DPT: variants seen among roughly 807,000 people sequenced by gnomAD.
DPT encodes the protein tyrosine-rich acidic matrix protein.
DPT carries 21 observed loss-of-function variants against 31.2 expected under a neutral mutation model. That is an observed-to-expected ratio of 0.67 (90% CI 0.48 to 0.97). The LOEUF (loss-of-function observed/expected upper bound fraction) is 0.97, where lower values mean the gene tolerates loss of function less well. Among genes scored for constraint, DPT ranks in the 50% least tolerant of loss-of-function variants. The pLI, the probability that DPT is intolerant of heterozygous loss-of-function variation, is 0.00. For synonymous variants in DPT, 91 were observed against 86.9 expected, an observed-to-expected ratio of 1.05 and a Z score of -0.26; for missense variants, 262 against 258.8, an observed-to-expected ratio of 1.01 and a Z score of -0.08.
intron 1 of DPT, among the ~76,000 whole-genome samples, chr1:168,720,440 A>G (rs1023271739): frequency 4.0e-5 from 6 of 150,620 alleles, no homozygotes; most frequent in Non-Finnish European, 7.4e-5. Flanking sequence ...GAACCCCTCT[A>G]TACAATTTTA....
chr1:168,712,809 A>G (rs1277538028), intron 2 of DPT, among the ~76,000 whole-genome samples: 1 of 152,182 alleles, frequency 6.6e-6, no homozygotes, highest in East Asian at 1.9e-4. Flanking sequence ...CAGTGTGTTC[A>G]TGAATGGCCT....
rs35423002 is a variant in DPT at position 168,699,599 on chromosome 1, T to TA, written c.539+1417dup. ...GCTACTTAATGTCTTTTTTTTTTTT[T>TA]AAAAAAAAAAAGAAATTCTAGGTCA... On this transcript the variant is annotated intron_variant, in intron 3 of 3. Transcript: ENST00000367817. Among the ~76,000 whole-genome samples the TA allele has an allele frequency of 3.2e-3, 470 of 147,672 alleles. 2 individuals carry two copies. The highest frequency in any genetic ancestry group is 6.9e-3 in the Middle Eastern group (2 of 288).
At chr1:168,702,075 G>A (rs1004259294) in intron 2 of DPT, among the ~76,000 whole-genome samples, 2 of 152,142 alleles carry the variant, frequency 1.3e-5, no homozygotes, top group Non-Finnish European at 2.9e-5. Context: ...TCTCATAAGG[G>A]CTTTGCCACT....
chr1:168,713,736 T>A lies in DPT; in HGVS notation c.431+485A>T, dbSNP rs536262279. On this transcript the variant is annotated intron_variant, in intron 2 of 3. Coordinates refer to ENST00000367817, the MANE Select transcript of DPT (RefSeq NM_001937.5). ...AGCACAATCTTTTTTTTTAATTTTT[T>A]AATTTTTTAATATTTTATTTTTTCT... Among the ~76,000 whole-genome samples, 23 of 152,334 alleles carry A rather than the reference T, an allele frequency of 1.5e-4. No homozygotes were observed. The South Asian group carries it at 3.7e-3, about 25-fold the overall frequency.
At chr1:168,717,648 T>A (rs921816384) in intron 1 of DPT, among the ~76,000 whole-genome samples, 1 of 152,226 alleles carries the variant, frequency 6.6e-6, no homozygotes, top group Non-Finnish European at 1.5e-5. Flanking sequence ...GTGTCCTGAA[T>A]GGTGTTGTCT....
At chr1:168,710,466 G>A (rs756044787) in intron 2 of DPT, among the ~76,000 whole-genome samples, 1 of 152,136 alleles carries the variant, frequency 6.6e-6, no homozygotes, top group Non-Finnish European at 1.5e-5. Context: ...AGGGTATGGG[G>A]GTTGGGGTGG....
intron 2 of DPT, among the ~76,000 whole-genome samples, chr1:168,703,882 C>T (rs923489319): frequency 6.6e-6 from 1 of 152,152 alleles, no homozygotes; most frequent in Non-Finnish European, 1.5e-5. Context: ...ATTTTCAAAC[C>T]AGATATATGT....
chr1:168,700,956 G>C (rs543998538), intron 3 of DPT, 61 bp downstream of exon 3: 1 of 1,073,890 alleles, frequency 9.3e-7, no homozygotes, highest in African/African-American at 1.6e-5. Flanking sequence ...TAAAATCCTT[G>C]CAGGGAGTTA....
In DPT at chr1:168,696,074, T is replaced by C; in HGVS notation, c.*475A>G. On this transcript the variant is annotated 3_prime_UTR_variant, in exon 4 of 4. Coordinates refer to ENST00000367817, the MANE Select transcript of DPT (RefSeq NM_001937.5). ...TGTGGAGCAGGGGAGTGGGAAGATG[T>C]CCCTCAGGGCAGAAAGCCTGCTTTT... The C allele has an allele frequency of 2.5e-6, 1 of 399,120 alleles. No individual in the cohort carries two copies. Among genetic ancestry groups the C allele is most frequent in the Non-Finnish European group, 4.4e-6 (1 of 226,822 alleles). 24.7% of individuals were successfully genotyped at this position (399,120 alleles called of 1,614,324 possible).
At chr1:168,697,235 G>A (rs888002562) in intron 3 of DPT, among the ~76,000 whole-genome samples, 1 of 152,100 alleles carries the variant, frequency 6.6e-6, no homozygotes, top group African/African-American at 2.4e-5. Flanking sequence ...CTGCACTCCA[G>A]CCTGGGTGAC....
At chr1:168,725,752 G>T (rs1650228033) in intron 1 of DPT, among the ~76,000 whole-genome samples, 2 of 152,208 alleles carry the variant, frequency 1.3e-5, no homozygotes, top group Admixed American at 1.3e-4. Context: ...ACCTTTTAAA[G>T]ATGGCACTTT....
intron 1 of DPT, among the ~76,000 whole-genome samples, chr1:168,717,683 G>A (rs1411347746): frequency 6.6e-6 from 1 of 152,112 alleles, no homozygotes; most frequent in East Asian, 1.9e-4. Context: ...GGTTTTTATG[G>A]TTTTGGGTTT....
At chr1:168,713,331 C>T (rs1258418358) in intron 2 of DPT, among the ~76,000 whole-genome samples, 1 of 152,170 alleles carries the variant, frequency 6.6e-6, no homozygotes, top group Non-Finnish European at 1.5e-5. Context: ...GCTTTTGGGG[C>T]TTTGTATCCC....
intron 1 of DPT, among the ~76,000 whole-genome samples, chr1:168,717,407 T>C (rs1012834894): frequency 3.9e-5 from 6 of 152,218 alleles, no homozygotes; most frequent in Non-Finnish European, 7.3e-5. Context: ...GGATTGTTTC[T>C]TCTTTTCTTG....
At chr1:168,721,583 C>T (rs1047019512) in intron 1 of DPT, among the ~76,000 whole-genome samples, 4 of 152,164 alleles carry the variant, frequency 2.6e-5, no homozygotes, top group Middle Eastern at 3.2e-3. Context: ...CCTCAGAAAG[C>T]ACATATCAGA....
At chr1:168,708,460 T>C (rs1212061523) in intron 2 of DPT, among the ~76,000 whole-genome samples, 1 of 152,190 alleles carries the variant, frequency 6.6e-6, no homozygotes, top group Non-Finnish European at 1.5e-5. Flanking sequence ...CAATATAAGT[T>C]CCTTTAAATT....
intron 3 of DPT, among the ~76,000 whole-genome samples, chr1:168,699,286 AC>A (rs1172595171): frequency 9.9e-5 from 15 of 152,056 alleles, no homozygotes; most frequent in Non-Finnish European, 1.5e-5. Context: ...CTAAATGACA[AC>A]CCATGTTCTT....
chr1:168,702,384 G>A (rs370466849), intron 2 of DPT, among the ~76,000 whole-genome samples: 3 of 152,214 alleles, frequency 2.0e-5, no homozygotes, highest in South Asian at 2.1e-4. Flanking sequence ...TCATTCTCTT[G>A]GTTCATAATC....
chr1:168,718,757 G>A lies in DPT; in HGVS notation c.306-4411C>T, dbSNP rs141821693. ...ATAGCACATATGTATTAAAGTTATC[G>A]TGAAGACCAAATAAGACAACGCATG... is the stretch of plus-strand genomic sequence containing the variant. On this transcript the variant is annotated intron_variant, in intron 1 of 3. Transcript: ENST00000367817. Among the ~76,000 whole-genome samples, 392 of 152,274 alleles carry A rather than the reference G, an allele frequency of 2.6e-3. 1 individual carries two copies. Among genetic ancestry groups the A allele is most frequent in the African/African-American group, 8.8e-3 (367 of 41,546 alleles).
Sources: gnomAD v4.1 joint callset for allele counts (sites outside exome capture counted in the v4.1 genomes callset) on GRCh38, gnomAD v4.1.1 for gene constraint, MANE v1.5 for transcripts, NCBI Gene and HGNC (gene_info 2026-07-23, HGNC 2026-07-21) for gene names.